Variants in ZNF37A observed in about 807,000 individuals in gnomAD.
The protein encoded by ZNF37A is zinc finger protein 37a (KOX 21).
In ZNF37A, 10 loss-of-function variants were observed where a neutral mutation model predicts 12.3. The observed-to-expected ratio is 0.82, with a 90% CI of 0.50 to 1.38. The LOEUF is 1.38. Ranked by LOEUF, ZNF37A falls within the 40% of genes most tolerant of loss-of-function variation. The pLI is 0.00. For synonymous variants in ZNF37A, 207 were observed against 223.0 expected, an observed-to-expected ratio of 0.93 and a Z score of 0.64; for missense variants, 580 against 651.2, an observed-to-expected ratio of 0.89 and a Z score of 1.19.
rs757508753 is a variant in ZNF37A, at chr10:38,120,755, A to T, written c.*1918A>T. 1 of 152,298 alleles carries T rather than the reference A, an allele frequency of 6.6e-6. No individual in the cohort carries two copies. Among genetic ancestry groups the T allele is most frequent in the East Asian group, 1.9e-4 (1 of 5,204 alleles). The allele number at this position is 152,298 out of a possible 1,614,324, so 9.4% of individuals were successfully genotyped here. A position where few individuals can be genotyped will look rare whatever the true frequency, so the allele number is the denominator to read the frequency against. ...AACCAGAAGAACAATCAAGACTGCA[A>T]TGAAAAAAATGGATACATTAGGAGC... On this transcript the variant is annotated 3_prime_UTR_variant, in exon 8 of 8. Transcript: ENST00000685332.
chr10:38,115,362 A>G lies in ZNF37A; in HGVS notation c.238+72A>G. On this transcript the variant is annotated intron_variant, in intron 7 of 7. Coordinates refer to ENST00000685332, the MANE Select transcript of ZNF37A (RefSeq NM_001324250.3). ...AAGGGTAAGTTTGGATAATAAGACC[A>G]TTGAAATGTTCTTTAGGAATCATGT... The G allele has an allele frequency of 7.1e-6, 11 of 1,542,730 alleles. No individual in the cohort carries two copies. In the South Asian group the frequency reaches 1.1e-4, roughly 15 times the overall value.
chr10:38,117,682 T>A lies in ZNF37A; in HGVS notation c.531T>A (p.Thr177=), dbSNP rs1330897153. The change falls in exon 8 of 8, where the codon ACT becomes ACA. Residue 177 remains threonine (T), a synonymous_variant. Transcript: ENST00000685332. ...GYTGQKTCKY[T]EHGKTCDMSF... is the part of the protein sequence containing the mutation. ...CAGGACAGAAAACCTGCAAATATAC[T>A]GAACATGGGAAAACCTGTGATATGT... 2 of 1,613,806 alleles carry A rather than the reference T, an allele frequency of 1.2e-6. No individual in the cohort carries two copies. The highest frequency in any genetic ancestry group is 1.3e-5 in the African/African-American group (1 of 74,894).
At chr10:38,136,798 G>A (rs187173788) in intron 7 of ZNF37A, among the ~76,000 whole-genome samples, 1 of 152,046 alleles carries the variant, frequency 6.6e-6, no homozygotes, top group African/African-American at 2.4e-5. Context: ...TTTGTTTGAT[G>A]GTATCTCACA....
rs1323924591 is a variant in ZNF37A, at chr10:38,118,712, A to C, written c.1561A>C (p.Lys521Gln). 1.2e-6 allele frequency: 2 copies of C among 1,613,870 alleles called. No individual in the cohort carries two copies. The highest frequency in any genetic ancestry group is 2.7e-5 in the African/African-American group (2 of 74,944). The change falls in exon 8 of 8, where the codon AAA (lysine) becomes CAA (glutamine). Residue 521 changes from lysine to glutamine, a missense_variant. Coordinates refer to ENST00000685332, the MANE Select transcript of ZNF37A (RefSeq NM_001324250.3). ...IAHHRTHTGE[K>Q]PYECNVCGKS... is the part of the protein sequence containing the mutation. ...ACATCATAGAACACACACAGGGGAG[A>C]AACCCTATGAATGTAATGTTTGTGG...
intron 5 of ZNF37A, among the ~76,000 whole-genome samples, chr10:38,113,938 T>C (rs1277161713): frequency 1.3e-5 from 2 of 152,236 alleles, no homozygotes; most frequent in African/African-American, 4.8e-5. Flanking sequence ...GCCAGTCCTT[T>C]AGGGCATGGG....
chr10:38,097,526 C>T lies in ZNF37A; in HGVS notation c.15+894C>T, dbSNP rs1371505667. Among the ~76,000 whole-genome samples, 4 of 133,590 alleles carry T rather than the reference C, an allele frequency of 3.0e-5. No individual in the cohort carries two copies. In the East Asian group the frequency reaches 7.0e-4, roughly 23 times the overall value. The allele number at this position is 133,590 out of a possible 152,430, so 87.6% of individuals were successfully genotyped here. Reference sequence around the variant, plus strand: ...CCAGGAGGCGGAGGGTGCAGTGAGCCGAGATTGAGATTGCACCACTGCACT... The same window carrying T: ...CCAGGAGGCGGAGGGTGCAGTGAGCTGAGATTGAGATTGCACCACTGCACT... On this transcript the variant is annotated intron_variant, in intron 5 of 7. Coordinates refer to ENST00000685332, the MANE Select transcript of ZNF37A (RefSeq NM_001324250.3).
rs1205189068 is a variant in ZNF37A at position 38,095,800 on chromosome 10, ACAGAGTAAGTAAAAAT to A, written c.-45_-45+15del. 1 of 152,174 alleles carries A rather than the reference ACAGAGTAAGTAAAAAT, an allele frequency of 6.6e-6. No homozygotes were observed. Among genetic ancestry groups the A allele is most frequent in the African/African-American group, 2.4e-5 (1 of 41,434 alleles). The allele number at this position is 152,174 out of a possible 1,614,324, so 9.4% of individuals were successfully genotyped here. The stretch of plus-strand genomic sequence containing the variant: ...CAGGAGGGTGTTTGCTGCGTTGACA[ACAGAGTAAGTAAAAAT>A]CAGTTTGCTTTTTTAAATCCAAAGA... On this transcript the variant is annotated splice_donor_variant and splice_donor_5th_base_variant and 5_prime_UTR_variant and intron_variant, in exon 4 of 8. Transcript: ENST00000685332. LOFTEE classifies it low-confidence loss of function (5UTR_SPLICE).
At chr10:38,104,864 A>G (rs1296431822) in intron 5 of ZNF37A, among the ~76,000 whole-genome samples, 1 of 152,104 alleles carries the variant, frequency 6.6e-6, no homozygotes, top group African/African-American at 2.4e-5. Flanking sequence ...GTTTACGTAG[A>G]CATTTCCCAG....
At chr10:38,136,772 A>C (rs182786664) in intron 7 of ZNF37A, among the ~76,000 whole-genome samples, 1 of 152,238 alleles carries the variant, frequency 6.6e-6, no homozygotes, top group East Asian at 1.9e-4. Context: ...TGGGATTCTC[A>C]TGCTACATAT....
intron 7 of ZNF37A, chr10:38,138,505 G>A (rs1281750596): frequency 1.3e-5 from 2 of 152,106 alleles, no homozygotes; most frequent in African/African-American, 2.4e-5. Context: ...CTAGAAAATC[G>A]GGAAACTTAT....
Position 38,138,743 on chromosome 10 carries a change from T to C in ZNF37A, c.239-7989T>C, listed in dbSNP as rs1160124138. 8 of 152,294 alleles carry C rather than the reference T, an allele frequency of 5.3e-5. No individual in the cohort carries two copies. In the East Asian group the frequency reaches 1.5e-3, roughly 29 times the overall value. The allele number at this position is 152,294 out of a possible 1,614,324, so 9.4% of individuals were successfully genotyped here. ...ACAGCATTGAGTCTGAAATTCAAATTTCCCAGAATGGAAAATGATGAGCCC... is the reference window on the plus strand; with the variant it reads ...ACAGCATTGAGTCTGAAATTCAAATCTCCCAGAATGGAAAATGATGAGCCC... On this transcript the variant is annotated intron_variant, in intron 7 of 7. Transcript: ENST00000638053.
chr10:38,130,494 TC>T (rs1380959267), downstream of ZNF37A, among the ~76,000 whole-genome samples: 1 of 152,156 alleles, frequency 6.6e-6, no homozygotes, highest in Non-Finnish European at 1.5e-5. Flanking sequence ...AGAGTCTTGC[TC>T]TGTCACCCAG....
At position 38,118,498 on chromosome 10, in the gene ZNF37A, C is replaced by T; in HGVS notation, c.1347C>T (p.Cys449=). The change falls in exon 8 of 8, where the codon TGC becomes TGT. Residue 449 remains cysteine (C), a synonymous_variant. Coordinates refer to ENST00000685332, the MANE Select transcript of ZNF37A (RefSeq NM_001324250.3). The stretch of plus-strand genomic sequence containing the variant: ...GTATTCAGTGTGGAAAATTTTTCTG[C>T]TACTACTCCGGTTTCACAGAACATC... ...YECIQCGKFF[C]YYSGFTEHLR... is the part of the protein sequence containing the mutation. 1 of 1,613,554 alleles carries T rather than the reference C, an allele frequency of 6.2e-7. No individual in the cohort carries two copies. The highest frequency in any genetic ancestry group is 8.5e-7 in the Non-Finnish European group (1 of 1,179,908).
chr10:38,117,136 A>G lies in ZNF37A; in HGVS notation c.239-254A>G, dbSNP rs909393927. Reference sequence around the variant, plus strand: ...AAACACCACCACCACCACCACCAACAACAACCAAGAACAACAAAACCACAC... The same window carrying G: ...AAACACCACCACCACCACCACCAACGACAACCAAGAACAACAAAACCACAC... On this transcript the variant is annotated intron_variant, in intron 7 of 7. Transcript: ENST00000685332. 6.0e-5 allele frequency: 59 copies of G among 981,342 alleles called. 1 individual carries two copies. Among genetic ancestry groups the G allele is most frequent in the Non-Finnish European group, 6.5e-5 (54 of 826,382 alleles). 60.8% of individuals were successfully genotyped at this position (981,342 alleles called of 1,614,324 possible). A position where few individuals can be genotyped will look rare whatever the true frequency, so the allele number is the denominator to read the frequency against.
downstream of ZNF37A, chr10:38,125,681 C>A (rs555040687): frequency 6.6e-6 from 1 of 152,272 alleles, no homozygotes; most frequent in African/African-American, 2.4e-5. Context: ...GATCTTGAAA[C>A]CAGCTCAATT....
At chr10:38,138,813 A>T (rs1037681752) in intron 7 of ZNF37A, 1 of 152,150 alleles carries the variant, frequency 6.6e-6, no homozygotes, top group African/African-American at 2.4e-5. Context: ...GTTCAGTTAC[A>T]CCACAGCCCA....
intron 7 of ZNF37A, among the ~76,000 whole-genome samples, chr10:38,145,925 G>A (rs1481674058): frequency 1.3e-5 from 2 of 152,050 alleles, no homozygotes; most frequent in Non-Finnish European, 2.9e-5. Context: ...TATGGTGAAA[G>A]CCCATCTCTG....
intron 5 of ZNF37A, among the ~76,000 whole-genome samples, chr10:38,101,273 T>G (rs2067546044): frequency 6.6e-6 from 1 of 152,190 alleles, no homozygotes; most frequent in Non-Finnish European, 1.5e-5. Flanking sequence ...GAATCCATTC[T>G]CCAATGTGTT....
rs35729359 is a variant in ZNF37A at position 38,111,914 on chromosome 10, C to CTTTT, written c.16-2830_16-2827dup. On this transcript the variant is annotated intron_variant, in intron 5 of 7. Transcript: ENST00000685332. ...AACCTCCAAGGTTTCTGCTGATGAT[C>CTTTT]TTTTTTTTTTTTTTGAGACGGAGTC... 3.5e-5 allele frequency among the ~76,000 whole-genome samples: 5 copies of CTTTT among 142,984 alleles called. 1 individual carries two copies. The highest frequency in any genetic ancestry group is 7.0e-5 in the Admixed American group (1 of 14,352). The allele number at this position is 142,984 out of a possible 152,430, so 93.8% of individuals were successfully genotyped here.
Sources: allele counts gnomAD v4.1 joint callset (sites outside exome capture counted in the v4.1 genomes callset), GRCh38; gene constraint gnomAD v4.1.1; transcripts MANE v1.5; gene names NCBI Gene and HGNC (gene_info 2026-07-23, HGNC 2026-07-21).